Variants in DLGAP2 observed in about 807,000 individuals in gnomAD.
DLGAP2 encodes the protein DLG associated protein 2.
Under a neutral mutation model 100.3 loss-of-function variants are expected in DLGAP2, and 26 were observed. The ratio of observed to expected loss-of-function variants is 0.26; its 90% CI spans 0.19 to 0.36. The LOEUF is 0.36. Among genes scored for constraint, DLGAP2 ranks in the 10% least tolerant of loss-of-function variants. The pLI, the probability that DLGAP2 is intolerant of heterozygous loss-of-function variation, is 1.00. For synonymous variants in DLGAP2, 886 were observed against 630.1 expected (o/e 1.41, Z -6.08); for missense variants, 1,858 against 1,453.2 (o/e 1.28, Z -4.53).
At chr8:1,041,233 C>T (rs556890019) in intron 2 of DLGAP2, among the ~76,000 whole-genome samples, 1 of 152,326 alleles carries the variant, frequency 6.6e-6, no homozygotes, top group South Asian at 2.1e-4. Flanking sequence ...CCCAAACCCA[C>T]TTTGTGATGG....
intron 3 of DLGAP2, among the ~76,000 whole-genome samples, chr8:1,277,789 A>T (rs568642584): frequency 1.3e-5 from 2 of 151,998 alleles, no homozygotes; most frequent in Non-Finnish European, 2.9e-5. Context: ...CTGAAACCTC[A>T]CCTTTCTCCG....
intron 7 of DLGAP2, among the ~76,000 whole-genome samples, chr8:1,631,480 C>T (rs929175177): frequency 1.3e-5 from 2 of 152,168 alleles, no homozygotes; most frequent in African/African-American, 4.8e-5. Flanking sequence ...AGAAAAACAT[C>T]CTGTTTCCAA....
intron 3 of DLGAP2, among the ~76,000 whole-genome samples, chr8:1,280,576 G>C (rs568230421): frequency 6.6e-6 from 1 of 152,302 alleles, no homozygotes; most frequent in East Asian, 1.9e-4. Context: ...TGGGAGAAGT[G>C]ACACTTGATG....
chr8:1,430,526 T>C lies in DLGAP2; in HGVS notation c.107-70840T>C, dbSNP rs773817068. Among the ~76,000 whole-genome samples, 3 of 152,198 alleles carry C rather than the reference T, an allele frequency of 2.0e-5. No homozygotes were observed. The South Asian group carries it at 6.2e-4, about 32-fold the overall frequency. On this transcript the variant is annotated intron_variant, in intron 3 of 14. Transcript: ENST00000637795. ...TTTGCAAAGCCTAGGTCTACAGGCC[T>C]TGTAGCTAAGGTGACTCAGACAAAC...
chr8:1,302,629 C>G (rs1800383789), intron 3 of DLGAP2: 1 of 152,272 alleles, frequency 6.6e-6, no homozygotes. Context: ...GAGCCCTGCT[C>G]CATACCCGGG....
At chr8:1,243,374 C>A (rs1352154942) in intron 2 of DLGAP2, among the ~76,000 whole-genome samples, 1 of 152,174 alleles carries the variant, frequency 6.6e-6, no homozygotes, top group East Asian at 1.9e-4. Flanking sequence ...ACCTACAAAC[C>A]CAGACACTGG....
At chr8:1,021,779 A>G (rs1249748376) in intron 2 of DLGAP2, among the ~76,000 whole-genome samples, 1 of 152,022 alleles carries the variant, frequency 6.6e-6, no homozygotes, top group African/African-American at 2.4e-5. Context: ...ACCCCAACCC[A>G]GATGCTGTGG....
chr8:1,339,246 T>C (rs941503325), intron 3 of DLGAP2, among the ~76,000 whole-genome samples: 9 of 150,150 alleles, frequency 6.0e-5, no homozygotes, highest in African/African-American at 2.2e-4. Flanking sequence ...GGGAATGCAG[T>C]GACCTCAGCG....
chr8:944,893 A>C (rs532756214), intron 2 of DLGAP2, among the ~76,000 whole-genome samples: 1 of 152,112 alleles, frequency 6.6e-6, no homozygotes, highest in African/African-American at 2.4e-5. Flanking sequence ...GTGGCAGCCA[A>C]ACCCTGCAGG....
intron 2 of DLGAP2, among the ~76,000 whole-genome samples, chr8:942,701 C>T (rs544805118): frequency 2.0e-5 from 3 of 152,358 alleles, no homozygotes; most frequent in South Asian, 2.1e-4. Context: ...GCCAACCCCA[C>T]TTCTGACACC....
Position 1,632,773 on chromosome 8 carries a change from C to G in DLGAP2, c.1591-54C>G. 2.0e-6 allele frequency: 3 copies of G among 1,524,204 alleles called. No individual in the cohort carries two copies. In the South Asian group the frequency reaches 3.9e-5, roughly 20 times the overall value. The allele number at this position is 1,524,204 out of a possible 1,614,324, so 94.4% of individuals were successfully genotyped here. Reference sequence around the variant, plus strand: ...GCGCGCTCTCCTGGCTTTTCTGTAACGTGATGGTGACCCTGGAGGGCCGGG... The same window carrying G: ...GCGCGCTCTCCTGGCTTTTCTGTAAGGTGATGGTGACCCTGGAGGGCCGGG... On this transcript the variant is annotated intron_variant, in intron 7 of 14. Transcript: ENST00000637795.
Position 907,979 on chromosome 8 carries a change from C to T in DLGAP2, c.73+13C>T. 2.5e-6 allele frequency: 1 copy of T among 398,970 alleles called. No homozygotes were observed. The highest frequency in any genetic ancestry group is 4.4e-6 in the Non-Finnish European group (1 of 226,048). The allele number at this position is 398,970 out of a possible 1,614,324, so 24.7% of individuals were successfully genotyped here. A position where few individuals can be genotyped will look rare whatever the true frequency, so the allele number is the denominator to read the frequency against. On this transcript the variant is annotated intron_variant, in intron 2 of 14. Coordinates refer to ENST00000637795, the MANE Select transcript of DLGAP2 (RefSeq NM_001346810.2). ...GACAGGAATACAGGTAAATACATTT[C>T]ATTCTTCTGATTTGGGATTATATGT...
At position 1,352,188 on chromosome 8, in the gene DLGAP2, T is replaced by C. The variant is rs761472864; in HGVS notation, c.106+93305T>C. Among the ~76,000 whole-genome samples, 40 of 56,384 alleles carry C rather than the reference T, an allele frequency of 7.1e-4. 2 individuals carry two copies. The highest frequency in any genetic ancestry group is 1.5e-3 in the South Asian group (2 of 1,326). 37.0% of individuals were successfully genotyped at this position (56,384 alleles called of 152,430 possible). A position where few individuals can be genotyped will look rare whatever the true frequency, so the allele number is the denominator to read the frequency against. On this transcript the variant is annotated intron_variant, in intron 3 of 14. Coordinates refer to ENST00000637795, the MANE Select transcript of DLGAP2 (RefSeq NM_001346810.2). The stretch of plus-strand genomic sequence containing the variant: ...GGGTCCTGAGTGTGTGTGGATAGGC[T>C]GTGCGGGTCCTGACTGTGTGTGGAA...
At chr8:1,595,062 G>A (rs1327633350) in intron 6 of DLGAP2, among the ~76,000 whole-genome samples, 1 of 151,166 alleles carries the variant, frequency 6.6e-6, no homozygotes, top group African/African-American at 2.4e-5. Flanking sequence ...TCTTTTTTGA[G>A]ACAAGATCTT....
intron 1 of DLGAP2, among the ~76,000 whole-genome samples, chr8:770,204 G>A (rs1169122324): frequency 6.6e-6 from 1 of 152,132 alleles, no homozygotes; most frequent in Non-Finnish European, 1.5e-5. Context: ...CTGGAGTTGT[G>A]GAGTTAGTGA....
At chr8:1,537,978 T>C (rs1326737037) in intron 4 of DLGAP2, among the ~76,000 whole-genome samples, 2 of 152,136 alleles carry the variant, frequency 1.3e-5, no homozygotes, top group Non-Finnish European at 2.9e-5. Context: ...CAGAGGAAGA[T>C]ACTGCGGGGG....
At position 1,313,276 on chromosome 8, in the gene DLGAP2, G is replaced by A. The variant is rs866589071; in HGVS notation, c.106+54393G>A. ...GGAATCTTGTTGTTGTTCAGCATGC[G>A]TTGCATTATATATATTCAGTGTTGA... On this transcript the variant is annotated intron_variant, in intron 3 of 14. Transcript: ENST00000637795. Among the ~76,000 whole-genome samples the A allele has an allele frequency of 1.4e-4, 21 of 152,308 alleles. No individual in the cohort carries two copies. The Middle Eastern group carries it at 0.014, about 99-fold the overall frequency.
intron 2 of DLGAP2, among the ~76,000 whole-genome samples, chr8:1,120,840 C>G (rs1159649997): frequency 6.6e-6 from 1 of 151,956 alleles, no homozygotes; most frequent in Non-Finnish European, 1.5e-5. Flanking sequence ...GAACCCATGA[C>G]CACCCATCCT....
Position 1,553,755 on chromosome 8 carries a change from G to C in DLGAP2, c.1230+4072G>C, listed in dbSNP as rs1299347112. On this transcript the variant is annotated intron_variant, in intron 5 of 14. Transcript: ENST00000637795. ...TGCGGGTCCCATCACCGAGTTCTGA[G>C]CTTTCCTTGCAGCCATTCTCTGAAC... 3.3e-5 allele frequency among the ~76,000 whole-genome samples: 5 copies of C among 152,178 alleles called. No individual in the cohort carries two copies. The South Asian group carries it at 8.3e-4, about 25-fold the overall frequency.
Sources: allele counts gnomAD v4.1 joint callset (sites outside exome capture counted in the v4.1 genomes callset), GRCh38; gene constraint gnomAD v4.1.1; transcripts MANE v1.5; gene names NCBI Gene and HGNC (gene_info 2026-07-23, HGNC 2026-07-21).